Variants in SEC24D observed in about 807,000 individuals in gnomAD.
SEC24D encodes protein transport protein Sec24D.
SEC24D carries 69 observed loss-of-function variants against 116.9 expected under a neutral mutation model. That is an observed-to-expected ratio of 0.59 (90% CI 0.49 to 0.72). SEC24D has a LOEUF of 0.72. Ranked by LOEUF, SEC24D falls within the 30% of genes least tolerant of loss-of-function variation. The probability of loss-of-function intolerance (pLI) is 0.00; values close to 1 mark genes in which losing one functional copy is unlikely to be tolerated. For synonymous variants in SEC24D, 405 were observed against 442.8 expected (o/e 0.91, Z 1.07); for missense variants, 1,131 against 1,264.1 (o/e 0.89, Z 1.60).
rs572365178 is a variant in SEC24D, at chr4:118,733,845, T to G, written c.2497-933A>C. ...ATAAACAAATCCTTTTAATTCTACC[T>G]TCATAATCTACCTGTACCTTCTCTC... On this transcript the variant is annotated intron_variant, in intron 19 of 22. Transcript: ENST00000280551. Among the ~76,000 whole-genome samples the G allele has an allele frequency of 2.0e-5, 3 of 152,146 alleles. No individual in the cohort carries two copies. The South Asian group carries it at 6.2e-4, about 32-fold the overall frequency.
At chr4:118,834,471 A>C (rs115315704) in intron 1 of SEC24D, among the ~76,000 whole-genome samples, 2 of 151,988 alleles carry the variant, frequency 1.3e-5, no homozygotes, top group African/African-American at 4.8e-5. Flanking sequence ...CAAATATAAC[A>C]GACTCATCTT....
intron 8 of SEC24D, among the ~76,000 whole-genome samples, chr4:118,796,447 C>A (rs777024435): frequency 6.6e-6 from 1 of 152,100 alleles, no homozygotes. Flanking sequence ...CGAAACCATA[C>A]CACACGTAAG....
Position 118,723,354 on chromosome 4 carries a change from C to CA in SEC24D, c.*160_*161insT. ...CAATTGTACCTTAATTGGCTTTATA[C>CA]CTGAGCACCAAAGCTGAAGTTCTAA... is the stretch of plus-strand genomic sequence containing the variant. On this transcript the variant is annotated 3_prime_UTR_variant, in exon 23 of 23. Transcript: ENST00000280551. 1 of 640,730 alleles carries CA rather than the reference C, an allele frequency of 1.6e-6. No individual in the cohort carries two copies. The highest frequency in any genetic ancestry group is 2.8e-5 in the East Asian group (1 of 36,234). The allele number at this position is 640,730 out of a possible 1,614,324, so 39.7% of individuals were successfully genotyped here.
At chr4:118,779,253 T>C (rs976125297) in intron 8 of SEC24D, among the ~76,000 whole-genome samples, 5 of 152,172 alleles carry the variant, frequency 3.3e-5, no homozygotes, top group African/African-American at 1.2e-4. Flanking sequence ...CATGAATAGC[T>C]CTTATTATTT....
At chr4:118,752,528 T>A (rs1029360286) in intron 12 of SEC24D, among the ~76,000 whole-genome samples, 169 bp downstream of exon 12, 1 of 152,202 alleles carries the variant, frequency 6.6e-6, no homozygotes, top group Admixed American at 6.5e-5. Context: ...TCTTAGATAC[T>A]TGTCTATATT....
At position 118,805,968 on chromosome 4, in the gene SEC24D, C is replaced by T. The variant is rs1379658782; in HGVS notation, c.802-14G>A. 2.6e-6 allele frequency: 4 copies of T among 1,537,308 alleles called. No homozygotes were observed. The highest frequency in any genetic ancestry group is 1.7e-4 in the Middle Eastern group (1 of 5,914). Reference sequence around the variant, plus strand: ...AATCACCTGGATCTGATAAATAAGACATCAAGAGCCCGTTAAAGTAGGTTC... The same window carrying T: ...AATCACCTGGATCTGATAAATAAGATATCAAGAGCCCGTTAAAGTAGGTTC... On this transcript the variant is annotated splice_polypyrimidine_tract_variant and intron_variant, in intron 6 of 22. Coordinates refer to ENST00000280551, the MANE Select transcript of SEC24D (RefSeq NM_014822.4).
At chr4:118,779,520 G>T (rs1294887719) in intron 8 of SEC24D, among the ~76,000 whole-genome samples, 1 of 152,146 alleles carries the variant, frequency 6.6e-6, no homozygotes, top group Non-Finnish European at 1.5e-5. Flanking sequence ...TTTTACTGAG[G>T]ATTTTTGCAT....
intron 22 of SEC24D, 152 bp downstream of exon 22, chr4:118,728,409 A>C: frequency 3.4e-6 from 2 of 584,116 alleles, no homozygotes; most frequent in Non-Finnish European, 6.0e-6. Flanking sequence ...TTAGAGGTTA[A>C]TGTGAGGTTT....
intron 8 of SEC24D, among the ~76,000 whole-genome samples, chr4:118,774,787 TTAAGCTCCTCCCCA>T (rs1436691663): frequency 6.6e-6 from 1 of 152,160 alleles, no homozygotes; most frequent in African/African-American, 2.4e-5. Flanking sequence ...TGCATCTTTA[TTAAGCTCCTCCCCA>T]TAAGCTCCTT....
At chr4:118,792,305 C>CGGGAGGT (rs1728960155) in intron 8 of SEC24D, among the ~76,000 whole-genome samples, 1 of 147,818 alleles carries the variant, frequency 6.8e-6, no homozygotes, top group Non-Finnish European at 1.5e-5. Context: ...CTGCCCCGTC[C>CGGGAGGT]GGGAGGTGGG....
At chr4:118,743,068 C>CT (rs1726315429) in intron 15 of SEC24D, among the ~76,000 whole-genome samples, 1 of 152,070 alleles carries the variant, frequency 6.6e-6, no homozygotes, top group African/African-American at 2.4e-5. Context: ...GACTCAGGCC[C>CT]ATTATAGTGC....
At chr4:118,807,382 T>C (rs1350549550) in intron 6 of SEC24D, among the ~76,000 whole-genome samples, 1 of 152,172 alleles carries the variant, frequency 6.6e-6, no homozygotes, top group Non-Finnish European at 1.5e-5. Flanking sequence ...CAAAATCTAG[T>C]AGTGTGGAGT....
intron 2 of SEC24D, among the ~76,000 whole-genome samples, 198 bp from the exon 3 acceptor site, chr4:118,824,947 T>G (rs1033936361): frequency 6.6e-6 from 1 of 152,038 alleles, no homozygotes; most frequent in Non-Finnish European, 1.5e-5. Flanking sequence ...ATCATAATGA[T>G]GAAAGAGCAG....
At chr4:118,763,047 C>G (rs1727463409) in intron 10 of SEC24D, among the ~76,000 whole-genome samples, 1 of 152,154 alleles carries the variant, frequency 6.6e-6, no homozygotes, top group East Asian at 1.9e-4. Flanking sequence ...GTTACAATGG[C>G]TTTCTTACAT....
At position 118,790,767 on chromosome 4, in the gene SEC24D, T is replaced by C. The variant is rs1303007273; in HGVS notation, c.1041+6916A>G. On this transcript the variant is annotated intron_variant, in intron 8 of 22. Transcript: ENST00000280551. Reference sequence around the variant, plus strand: ...TAACACAATAGCATGCTTAGAAATGTTGGAACCTGTCAAACAATGGAACCA... The same window carrying C: ...TAACACAATAGCATGCTTAGAAATGCTGGAACCTGTCAAACAATGGAACCA... Among the ~76,000 whole-genome samples, 7 of 151,492 alleles carry C rather than the reference T, an allele frequency of 4.6e-5. No homozygotes were observed. The East Asian group carries it at 1.4e-3, about 29-fold the overall frequency.
intron 6 of SEC24D, 82 bp from the exon 7 acceptor site, chr4:118,806,036 T>A (rs569623358): frequency 6.2e-5 from 51 of 822,714 alleles, no homozygotes; most frequent in Non-Finnish European, 9.5e-5. Context: ...CCTTGCTCTC[T>A]CCTCCCTCCT....
intron 8 of SEC24D, among the ~76,000 whole-genome samples, chr4:118,779,733 T>C (rs1440400696): frequency 6.6e-6 from 1 of 152,230 alleles, no homozygotes; most frequent in African/African-American, 2.4e-5. Context: ...CATCTGGTCC[T>C]GGAATTTTTT....
At chr4:118,744,860 CCT>C in intron 14 of SEC24D, 82 bp downstream of exon 14, 1 of 737,678 alleles carries the variant, frequency 1.4e-6, no homozygotes, top group East Asian at 2.5e-5. Context: ...TAGTTTCTCC[CCT>C]TTTTTCTTAC....
chr4:118,765,380 A>T (rs761448021), intron 9 of SEC24D, among the ~76,000 whole-genome samples: 5 of 152,244 alleles, frequency 3.3e-5, no homozygotes, highest in Non-Finnish European at 7.3e-5. Flanking sequence ...TTTGCATGGT[A>T]ATCTTTTAAT....
Sources: allele counts gnomAD v4.1 joint callset (sites outside exome capture counted in the v4.1 genomes callset), GRCh38; gene constraint gnomAD v4.1.1; transcripts MANE v1.5; gene names NCBI Gene and HGNC (gene_info 2026-07-23, HGNC 2026-07-21).